CDKL5: variants seen among roughly 807,000 people sequenced by gnomAD.
The protein encoded by CDKL5 is cyclin-dependent kinase-like 5.
A neutral mutation model predicts 61.7 loss-of-function variants in CDKL5; 8 were observed. The ratio of observed to expected loss-of-function variants is 0.13; its 90% CI spans 0.08 to 0.23. The LOEUF (loss-of-function observed/expected upper bound fraction) is 0.23, where lower values mean the gene tolerates loss of function less well. CDKL5 is among the 10% of genes least tolerant of loss of function. The probability of loss-of-function intolerance (pLI) is 1.00; values close to 1 mark genes in which losing one functional copy is unlikely to be tolerated. For missense variants in CDKL5, 440 were observed against 734.5 expected, an observed-to-expected ratio of 0.60 and a Z score of 4.63; for synonymous variants, 275 against 272.3, an observed-to-expected ratio of 1.01 and a Z score of -0.10.
chrX:18,613,332 G>A (rs1926624084), intron 15 of CDKL5, 57 bp downstream of exon 15: 3 of 1,104,640 alleles, frequency 2.7e-6, no homozygotes, highest in Non-Finnish European at 3.7e-6. Context: ...TTTAAGAGTT[G>A]AAATAAATTC....
intron 1 of CDKL5, among the ~76,000 whole-genome samples, chrX:18,473,712 C>CTT (rs749380907): frequency 7.2e-5 from 7 of 97,519 alleles, no homozygotes; most frequent in Non-Finnish European, 1.0e-4. Context: ...ACTTCTCTCT[C>CTT]TTTTTTTTTT....
chrX:18,450,044 C>T (rs186645988), intron 1 of CDKL5, among the ~76,000 whole-genome samples: 27 of 112,251 alleles, frequency 2.4e-4, no homozygotes, highest in African/African-American at 7.7e-4. Flanking sequence ...CTGCCCGCCT[C>T]GGCCTCCCAA....
chrX:18,479,578 C>T (rs187018600), intron 1 of CDKL5, among the ~76,000 whole-genome samples: 1 of 110,479 alleles, frequency 9.1e-6, no homozygotes, highest in East Asian at 2.9e-4. Context: ...CTCGGCCTCC[C>T]AAAGTGCTGG....
intron 3 of CDKL5, among the ~76,000 whole-genome samples, chrX:18,542,678 T>C (rs760029643): frequency 1.8e-4 from 19 of 108,029 alleles, no homozygotes; most frequent in African/African-American, 6.1e-4. Context: ...TTTTTTTGTA[T>C]CCTGGTCATT....
chrX:18,491,195 A>G (rs1215312777), intron 1 of CDKL5, among the ~76,000 whole-genome samples: 2 of 112,245 alleles, frequency 1.8e-5, no homozygotes, highest in Non-Finnish European at 3.8e-5. Flanking sequence ...ATGAAAAAAG[A>G]GGGTAGGCTT....
At chrX:18,641,988 C>T, downstream of CDKL5, 2 of 1,210,296 alleles carry the variant, frequency 1.7e-6, no homozygotes, top group Non-Finnish European at 1.1e-6. Context: ...TGGCAGGCGC[C>T]GAGCTGAGGC....
intron 1 of CDKL5, among the ~76,000 whole-genome samples, chrX:18,477,937 A>G (rs1248208527): frequency 8.9e-6 from 1 of 112,100 alleles, no homozygotes; most frequent in Admixed American, 9.5e-5. Context: ...TTGAGTTACC[A>G]TCTGGTATCA....
At chrX:18,502,652 G>C (rs1922428590) in intron 1 of CDKL5, among the ~76,000 whole-genome samples, 1 of 111,538 alleles carries the variant, frequency 9.0e-6, no homozygotes, top group African/African-American at 3.3e-5. Flanking sequence ...TTTAAGGTCT[G>C]TAGGAATCTG....
At chrX:18,451,633 G>T (rs1324236308) in intron 1 of CDKL5, among the ~76,000 whole-genome samples, 1 of 111,827 alleles carries the variant, frequency 8.9e-6, no homozygotes, top group East Asian at 2.8e-4. Context: ...TGCCTCCCTG[G>T]TTCAAGCAAT....
At chrX:18,521,342 G>C (rs1766278510) in intron 3 of CDKL5, among the ~76,000 whole-genome samples, 1 of 111,753 alleles carries the variant, frequency 8.9e-6, no homozygotes, top group African/African-American at 3.3e-5. Context: ...TTTCTTAATA[G>C]TGTGCTAGAT....
intron 3 of CDKL5, among the ~76,000 whole-genome samples, chrX:18,528,898 A>G (rs1431893191): frequency 9.0e-6 from 1 of 111,295 alleles, no homozygotes; most frequent in Non-Finnish European, 1.9e-5. Context: ...AGCCTCGCAA[A>G]GTGCTGGGAT....
chrX:18,575,314 A>T (rs770043545), intron 4 of CDKL5, 40 bp from the exon 5 acceptor site: 26 of 1,176,030 alleles, frequency 2.2e-5, no homozygotes, highest in Non-Finnish European at 2.9e-5. Context: ...GTAGCTTGAA[A>T]GTTTTCATTT....
chrX:18,630,902 C>T lies in CDKL5; in HGVS notation c.*2145C>T, dbSNP rs1927214533. The T allele has an allele frequency of 1.3e-6, 1 of 749,367 alleles. No homozygotes were observed. 61.8% of individuals were successfully genotyped at this position (749,367 alleles called of 1,213,427 possible). On this transcript the variant is annotated 3_prime_UTR_variant, in exon 18 of 18. Transcript: ENST00000623535. ...GACCATCAGCAGTTTTGCCTGGACA[C>T]TAATGACTCTAAAAGGGTGTGTATT...
At position 18,653,513 on chromosome X, in the gene CDKL5, ACCATGAG is replaced by A; in HGVS notation, c.3063_3069del (p.Tyr1021Ter). ...GTAAACCAAGCTGCGCTCCTGACATACCATGAGAATGCGGCACTGACGGGCAAGTGAC... is the reference window on the plus strand; with the variant it reads ...GTAAACCAAGCTGCGCTCCTGACATAAATGCGGCACTGACGGGCAAGTGAC... On this transcript the variant is annotated frameshift_variant, in exon 22 of 22. Transcript: ENST00000379989. LOFTEE classifies it low-confidence loss of function (END_TRUNC). 1 of 1,211,781 alleles carries A rather than the reference ACCATGAG, an allele frequency of 8.3e-7. No individual in the cohort carries two copies. Among genetic ancestry groups the A allele is most frequent in the Non-Finnish European group, 1.1e-6 (1 of 895,519 alleles).
chrX:18,611,826 A>G (rs1304266536), intron 14 of CDKL5, among the ~76,000 whole-genome samples: 1 of 112,113 alleles, frequency 8.9e-6, no homozygotes, highest in African/African-American at 3.2e-5. Context: ...TAGATGAAAC[A>G]TCTGAAGACA....
At chrX:18,571,060 G>T (rs1202902241) in intron 4 of CDKL5, among the ~76,000 whole-genome samples, 1 of 111,498 alleles carries the variant, frequency 9.0e-6, no homozygotes, top group Non-Finnish European at 1.9e-5. Flanking sequence ...TCACATAGAA[G>T]TATGGACTCG....
At chrX:18,582,491 G>A (rs946664807) in intron 7 of CDKL5, among the ~76,000 whole-genome samples, 2 of 111,254 alleles carry the variant, frequency 1.8e-5, no homozygotes, top group African/African-American at 3.3e-5. Context: ...TGTCTCCCAT[G>A]TAGATAACTC....
intron 1 of CDKL5, among the ~76,000 whole-genome samples, chrX:18,490,806 G>C (rs1921970854): frequency 8.9e-6 from 1 of 111,910 alleles, no homozygotes; most frequent in African/African-American, 3.2e-5. Flanking sequence ...TCTGAAGTTA[G>C]CAGCACAAAC....
chrX:18,530,108 C>G (rs1290226082), intron 3 of CDKL5, among the ~76,000 whole-genome samples: 1 of 108,154 alleles, frequency 9.2e-6, no homozygotes, highest in Non-Finnish European at 1.9e-5. Context: ...GCAGGCGGAT[C>G]ACAAGGTCAA....
Sources: gnomAD v4.1 joint callset for allele counts (sites outside exome capture counted in the v4.1 genomes callset) on GRCh38, gnomAD v4.1.1 for gene constraint, MANE v1.5 for transcripts, NCBI Gene and HGNC (gene_info 2026-07-23, HGNC 2026-07-21) for gene names.